ABL2: variants seen among roughly 807,000 people sequenced by gnomAD.
ABL2 encodes the protein ABL proto-oncogene 2, non-receptor tyrosine kinase, also known as tyrosine-protein kinase ABL2.
In ABL2, 49 loss-of-function variants were observed where a neutral mutation model predicts 107.7. That is an observed-to-expected ratio of 0.45 (90% CI 0.36 to 0.58). The LOEUF (loss-of-function observed/expected upper bound fraction) is 0.58, where lower values mean the gene tolerates loss of function less well. Ranked by LOEUF, ABL2 falls within the 20% of genes least tolerant of loss-of-function variation. The pLI is 0.00. For synonymous variants in ABL2, 549 were observed against 548.6 expected (o/e 1.00, Z -0.01); for missense variants, 1,245 against 1,457.0 (o/e 0.85, Z 2.37).
intron 1 of ABL2, among the ~76,000 whole-genome samples, chr1:179,174,909 T>TA (rs1298351429): frequency 5.9e-5 from 7 of 117,862 alleles, no homozygotes; most frequent in Admixed American, 9.7e-5. Flanking sequence ...AAAAAAAAAA[T>TA]AAAATAAAAA....
intron 1 of ABL2, among the ~76,000 whole-genome samples, chr1:179,191,872 T>C (rs1182749705): frequency 1.3e-5 from 2 of 152,164 alleles, no homozygotes; most frequent in Non-Finnish European, 2.9e-5. Context: ...AATTACTCAA[T>C]TGAAATGAGA....
At chr1:179,201,897 A>G in intron 1 of ABL2, 2 of 1,310,510 alleles carry the variant, frequency 1.5e-6, no homozygotes, top group Non-Finnish European at 2.0e-6. Context: ...CATTGAGGAA[A>G]TGCCCCTCAA....
At chr1:179,208,768 T>C (rs1662114796) in intron 1 of ABL2, among the ~76,000 whole-genome samples, 2 of 152,212 alleles carry the variant, frequency 1.3e-5, no homozygotes, top group Non-Finnish European at 1.5e-5. Context: ...ATAATGTGTC[T>C]GACACACAAG....
intron 1 of ABL2, among the ~76,000 whole-genome samples, chr1:179,161,580 G>A (rs1005793646): frequency 1.3e-5 from 2 of 152,056 alleles, no homozygotes; most frequent in Non-Finnish European, 2.9e-5. Flanking sequence ...GCGTGGTGGC[G>A]CGTGCCTGTA....
Position 179,149,795 on chromosome 1 carries a change from A to G in ABL2, c.158-16421T>C, listed in dbSNP as rs187804285. Among the ~76,000 whole-genome samples, 3 of 152,356 alleles carry G rather than the reference A, an allele frequency of 2.0e-5. No homozygotes were observed. The East Asian group carries it at 5.8e-4, about 29-fold the overall frequency. On this transcript the variant is annotated intron_variant, in intron 1 of 11. Transcript: ENST00000502732. ...AGACCTACAGCTCAGAATAAAAAAG[A>G]TTCCTTTCCAAATATTACTGCTCAT... is the stretch of plus-strand genomic sequence containing the variant.
intron 1 of ABL2, among the ~76,000 whole-genome samples, chr1:179,181,610 C>T (rs542229771): frequency 4.1e-4 from 62 of 152,218 alleles, no homozygotes; most frequent in Middle Eastern, 3.4e-3. Flanking sequence ...ACTCAGCACA[C>T]TCTAATGCAC....
chr1:179,157,806 G>A (rs1571218166), intron 1 of ABL2, among the ~76,000 whole-genome samples: 1 of 151,138 alleles, frequency 6.6e-6, no homozygotes, highest in East Asian at 2.0e-4. Flanking sequence ...CTGGCCTCAA[G>A]CGATCCTCCT....
intron 1 of ABL2, among the ~76,000 whole-genome samples, chr1:179,199,008 A>T (rs1661501273): frequency 6.6e-6 from 1 of 151,760 alleles, no homozygotes; most frequent in Non-Finnish European, 1.5e-5. Context: ...TGCCCAGCTA[A>T]TGTTTGTATT....
intron 1 of ABL2, among the ~76,000 whole-genome samples, chr1:179,146,519 T>C (rs1657994392): frequency 6.6e-6 from 1 of 152,122 alleles, no homozygotes; most frequent in South Asian, 2.1e-4. Context: ...TATAATGAGA[T>C]ATCTTGAGGT....
chr1:179,137,353 A>T (rs1211169588), intron 1 of ABL2, among the ~76,000 whole-genome samples: 1 of 152,174 alleles, frequency 6.6e-6, no homozygotes, highest in Non-Finnish European at 1.5e-5. Context: ...AATGAAAAAA[A>T]TGCCAAAAAA....
In ABL2 at chr1:179,121,845, C is replaced by T. The variant is rs371689982; in HGVS notation, c.710G>A (p.Arg237His). 4 of 1,610,614 alleles carry T rather than the reference C, an allele frequency of 2.5e-6. No individual in the cohort carries two copies. The highest frequency in any genetic ancestry group is 2.7e-5 in the African/African-American group (2 of 74,420). The change falls in exon 5 of 12, where the codon CGC becomes CAC. Residue 237 changes from arginine (R) to histidine (H), a missense_variant. Physicochemically the swap from Arg to His is conservative, Grantham distance 29. This residue lies in a region of ABL2 where 320 missense variants were observed against 547.0 expected (regional missense o/e 0.59). Coordinates refer to ENST00000502732, the MANE Select transcript of ABL2 (RefSeq NM_007314.4). ...DGKVYVTAES[R>H]FSTLAELVHH... ...TACAAGCTCTGCCAAGGTGCTGAAGCGGCTCTCAGCAGTCACATACACCTG... is the reference window on the plus strand; with the variant it reads ...TACAAGCTCTGCCAAGGTGCTGAAGTGGCTCTCAGCAGTCACATACACCTG...
rs186725653 is a variant in ABL2, at chr1:179,156,972, A to G, written c.158-23598T>C. On this transcript the variant is annotated intron_variant, in intron 1 of 11. Coordinates refer to ENST00000502732, the MANE Select transcript of ABL2 (RefSeq NM_007314.4). ...AATTTTTAATAGATGCTCTGTCAGT[A>G]TCAAACAGTGAATGACTCACAATAA... 2.5e-3 allele frequency among the ~76,000 whole-genome samples: 383 copies of G among 152,258 alleles called. 1 individual carries two copies. Among genetic ancestry groups the G allele is most frequent in the African/African-American group, 9.0e-3 (372 of 41,558 alleles).
rs1309402220 is a variant in ABL2 at position 179,118,655 on chromosome 1, C to T, written c.1155G>A (p.Val385=). The part of the protein sequence containing the change: ...ECNREEVTAV[V]LLYMATQISS... ...AAATCTGAGTGGCCATGTAGAGCAG[C>T]ACAACTGCAGTCACCTCTTCTCGGT... The change falls in exon 7 of 12, where the codon GTG becomes GTA. Residue 385 remains valine (V), a synonymous_variant. Coordinates refer to ENST00000502732, the MANE Select transcript of ABL2 (RefSeq NM_007314.4). 2 of 1,613,648 alleles carry T rather than the reference C, an allele frequency of 1.2e-6. No homozygotes were observed. Among genetic ancestry groups the T allele is most frequent in the East Asian group, 4.5e-5 (2 of 44,862 alleles).
chr1:179,108,575 G>A lies in ABL2; in HGVS notation c.2692C>T (p.Arg898Ter), dbSNP rs1226660364. The change falls in exon 12 of 12, where the codon CGA (arginine) becomes TGA (stop). Residue 898 changes from arginine to a stop codon, truncating the protein, a stop_gained. Coordinates refer to ENST00000502732, the MANE Select transcript of ABL2 (RefSeq NM_007314.4). LOFTEE classifies it high-confidence loss of function. ...TCTGGAACTCCAGCCATCCCAAGTC[G>A]TGCCCCACCATTCTTCTCTTTACCC... ...PKGKEKNGGA[R>*]LGMAGVPEDG... The A allele has an allele frequency of 3.7e-6, 6 of 1,613,898 alleles. No individual in the cohort carries two copies. Among genetic ancestry groups the A allele is most frequent in the Non-Finnish European group, 5.1e-6 (6 of 1,179,990 alleles).
intron 1 of ABL2, among the ~76,000 whole-genome samples, chr1:179,204,290 G>C (rs892975066): frequency 1.3e-5 from 2 of 151,866 alleles, no homozygotes; most frequent in African/African-American, 4.8e-5. Context: ...GCCTCCCAAA[G>C]TGCTGGGATT....
rs1653417240 is a variant in ABL2 at position 179,105,613 on chromosome 1, G to A, written c.*2105C>T. 1 of 228,460 alleles carries A rather than the reference G, an allele frequency of 4.4e-6. No homozygotes were observed. Among genetic ancestry groups the A allele is most frequent in the Non-Finnish European group, 8.7e-6 (1 of 115,120 alleles). 14.2% of individuals were successfully genotyped at this position (228,460 alleles called of 1,614,324 possible). A position where few individuals can be genotyped will look rare whatever the true frequency, so the allele number is the denominator to read the frequency against. On this transcript the variant is annotated 3_prime_UTR_variant, in exon 12 of 12. Coordinates refer to ENST00000502732, the MANE Select transcript of ABL2 (RefSeq NM_007314.4). The stretch of plus-strand genomic sequence containing the variant: ...AGCTGCCTGTGCTGCAACTGCAGGT[G>A]ACATACTGCGGGGATCACCCAACAC...
chr1:179,147,054 C>T lies in ABL2; in HGVS notation c.158-13680G>A, dbSNP rs564154452. 4.0e-5 allele frequency among the ~76,000 whole-genome samples: 6 copies of T among 151,018 alleles called. No individual in the cohort carries two copies. The South Asian group carries it at 1.3e-3, about 32-fold the overall frequency. ...TCCAGCCCACATGACAGAGCCAGAC[C>T]CTGTCTTTAAAAAAAAAAAATTTAA... On this transcript the variant is annotated intron_variant, in intron 1 of 11. Transcript: ENST00000502732.
chr1:179,120,154 T>C (rs781764883), intron 6 of ABL2, 36 bp downstream of exon 6: 2 of 1,432,016 alleles, frequency 1.4e-6, no homozygotes, highest in Non-Finnish European at 1.9e-6. Flanking sequence ...GCAAGCATTT[T>C]TGGAGGAAAT....
At chr1:179,214,938 T>G (rs977207835) in intron 1 of ABL2, among the ~76,000 whole-genome samples, 1 of 152,048 alleles carries the variant, frequency 6.6e-6, no homozygotes, top group Non-Finnish European at 1.5e-5. Context: ...GGCAGACAGA[T>G]TGCCTGAGGT....
Sources: gnomAD v4.1 joint callset for allele counts (sites outside exome capture counted in the v4.1 genomes callset) on GRCh38, gnomAD v4.1.1 for gene constraint, gnomAD v4.1.1 regional missense constraint, MANE v1.5 for transcripts, NCBI Gene and HGNC (gene_info 2026-07-23, HGNC 2026-07-21) for gene names.